The following P3H2 variants were observed in gnomAD, a reference collection of about 807,000 sequenced individuals.
P3H2 encodes prolyl 3-hydroxylase 2.
A neutral mutation model predicts 87.0 loss-of-function variants in P3H2; 80 were observed. The ratio of observed to expected loss-of-function variants is 0.92; its 90% CI spans 0.77 to 1.11. The LOEUF (loss-of-function observed/expected upper bound fraction) is 1.11. Among genes scored for constraint, P3H2 ranks in the 50% least tolerant of loss-of-function variants. P3H2 has a pLI of 0.00. For missense variants in P3H2, 1,001 were observed against 923.9 expected (o/e 1.08, Z -1.08); for synonymous variants, 367 against 359.3 (o/e 1.02, Z -0.24).
At position 189,974,582 on chromosome 3, in the gene P3H2, G is replaced by A. The variant is rs751051682; in HGVS notation, c.1428C>T (p.Cys476=). The change falls in exon 9 of 15, where the codon TGC becomes TGT. Residue 476 remains cysteine, a synonymous_variant. Transcript: ENST00000319332. ...LLDNVLSEEQ[C]RELHSVASGI... The stretch of plus-strand genomic sequence containing the variant: ...CACTGGCCACGCTGTGGAGCTCCCG[G>A]CACTGTTCTTCCGACAGGACGTTAT... 3 of 1,613,884 alleles carry A rather than the reference G, an allele frequency of 1.9e-6. No homozygotes were observed. The African/African-American group carries it at 4.0e-5, about 22-fold the overall frequency.
intron 13 of P3H2, among the ~76,000 whole-genome samples, chr3:189,965,070 A>G (rs1010759931): frequency 6.6e-6 from 1 of 152,252 alleles, no homozygotes; most frequent in Admixed American, 6.5e-5. Flanking sequence ...AAACCAAAAA[A>G]AAGTGGCACT....
intron 1 of P3H2, among the ~76,000 whole-genome samples, chr3:190,055,662 A>C (rs1726131458): frequency 6.6e-6 from 1 of 152,202 alleles, no homozygotes; most frequent in South Asian, 2.1e-4. Flanking sequence ...GAAGGAAGTC[A>C]AAGATTATTA....
chr3:190,046,571 A>G (rs1189252373), intron 1 of P3H2, among the ~76,000 whole-genome samples: 2 of 152,178 alleles, frequency 1.3e-5, no homozygotes, highest in Non-Finnish European at 2.9e-5. Flanking sequence ...TATTGCCAGA[A>G]TAGCTTGTCA....
intron 1 of P3H2, among the ~76,000 whole-genome samples, chr3:190,111,624 C>T (rs1485288167): frequency 6.6e-6 from 1 of 152,142 alleles, no homozygotes; most frequent in Admixed American, 6.6e-5. Context: ...ATCAAAACCC[C>T]AATCTGGAAA....
intron 1 of P3H2, among the ~76,000 whole-genome samples, chr3:190,097,798 C>T (rs547431628): frequency 1.3e-5 from 2 of 152,224 alleles, no homozygotes; most frequent in African/African-American, 4.8e-5. Context: ...CATCCCCACG[C>T]CCCACCCCCG....
chr3:190,088,257 T>C (rs1727291720), intron 1 of P3H2, among the ~76,000 whole-genome samples: 1 of 152,230 alleles, frequency 6.6e-6, no homozygotes, highest in Non-Finnish European at 1.5e-5. Flanking sequence ...AGAATATTAT[T>C]ATGTACAATA....
intron 3 of P3H2, among the ~76,000 whole-genome samples, chr3:189,990,167 T>A (rs1370565110): frequency 6.6e-6 from 1 of 152,032 alleles, no homozygotes; most frequent in South Asian, 2.1e-4. Flanking sequence ...CATTTTCTGG[T>A]GTGGGGGAAT....
chr3:190,029,830 G>A (rs1474617658), intron 1 of P3H2, among the ~76,000 whole-genome samples: 2 of 151,738 alleles, frequency 1.3e-5, no homozygotes, highest in African/African-American at 4.8e-5. Flanking sequence ...ATGAATCTCT[G>A]TCTCTACTAA....
intron 8 of P3H2, among the ~76,000 whole-genome samples, chr3:189,976,789 A>C (rs934439301): frequency 2.0e-5 from 3 of 152,184 alleles, no homozygotes; most frequent in Admixed American, 2.0e-4. Context: ...ATTTTTGAAA[A>C]TTGTGATTAA....
At chr3:189,973,280 C>A (rs527408084) in intron 10 of P3H2, 1 of 453,300 alleles carries the variant, frequency 2.2e-6, no homozygotes, top group Non-Finnish European at 4.0e-6. Context: ...TCCTCTCTAA[C>A]AACCCTTCCT....
chr3:190,003,085 T>C (rs766292500), intron 1 of P3H2, among the ~76,000 whole-genome samples: 7 of 152,244 alleles, frequency 4.6e-5, no homozygotes, highest in African/African-American at 7.2e-5. Context: ...AAGGATTAAA[T>C]GGAAATGACG....
chr3:190,074,227 T>C (rs1036421099), intron 1 of P3H2, among the ~76,000 whole-genome samples: 9 of 152,162 alleles, frequency 5.9e-5, no homozygotes, highest in African/African-American at 2.2e-4. Flanking sequence ...CTATGATTCT[T>C]GGCCAGGTGC....
chr3:190,034,533 T>C (rs1278092720), intron 1 of P3H2, among the ~76,000 whole-genome samples: 1 of 152,186 alleles, frequency 6.6e-6, no homozygotes, highest in Admixed American at 6.5e-5. Context: ...AGAAACAAAA[T>C]GATTCATATT....
Position 189,995,409 on chromosome 3 carries a change from G to A in P3H2, c.514C>T (p.His172Tyr), listed in dbSNP as rs1560354033. The A allele has an allele frequency of 1.2e-6, 2 of 1,613,894 alleles. No homozygotes were observed. The highest frequency in any genetic ancestry group is 1.7e-6 in the Non-Finnish European group (2 of 1,179,988). Residue 172 changes from histidine (H) to tyrosine (Y), a missense_variant, in exon 2 of 15, where the codon CAC becomes TAC. His to Tyr is a moderately conservative substitution (Grantham distance 83). Transcript: ENST00000319332. The part of the protein sequence containing the change: ...NQLEKAVEAA[H>Y]TFFVANPEHM... ...TCAGGGTTAGCCACGAAAAATGTGT[G>A]AGCTGCTTCCACTGCTTTTTCGAGC...
At chr3:190,023,447 G>A (rs1189278217) in intron 1 of P3H2, among the ~76,000 whole-genome samples, 2 of 152,172 alleles carry the variant, frequency 1.3e-5, no homozygotes, top group South Asian at 2.1e-4. Context: ...GGAGGATGGC[G>A]AAGGGGAAGC....
chr3:190,015,029 T>A (rs1032054853), intron 1 of P3H2, among the ~76,000 whole-genome samples: 14 of 152,200 alleles, frequency 9.2e-5, no homozygotes, highest in African/African-American at 3.4e-4. Flanking sequence ...TATTTTTTAA[T>A]GTTTAGAGAC....
At chr3:190,093,655 T>C (rs1727484050) in intron 1 of P3H2, among the ~76,000 whole-genome samples, 1 of 152,170 alleles carries the variant, frequency 6.6e-6, no homozygotes, top group African/African-American at 2.4e-5. Flanking sequence ...AGAGAGTAGA[T>C]GGCACTGCTG....
chr3:190,100,251 C>CG (rs1491188896), intron 1 of P3H2, among the ~76,000 whole-genome samples: 17 of 47,142 alleles, frequency 3.6e-4, no homozygotes, highest in African/African-American at 3.3e-3. Context: ...CCCCCCGCCG[C>CG]CCCCCCCCCC....
chr3:190,100,261 C>CAAA (rs1283469136), intron 1 of P3H2, among the ~76,000 whole-genome samples: 21 of 130,918 alleles, frequency 1.6e-4, no homozygotes, highest in African/African-American at 2.2e-4. Flanking sequence ...CCCCCCCCCC[C>CAAA]AAAAAAAACA....
Sources: gnomAD v4.1 joint callset for allele counts (sites outside exome capture counted in the v4.1 genomes callset) on GRCh38, gnomAD v4.1.1 for gene constraint, MANE v1.5 for transcripts, NCBI Gene and HGNC (gene_info 2026-07-23, HGNC 2026-07-21) for gene names.